Variants in ITGA8 observed in about 807,000 individuals in gnomAD.
The protein encoded by ITGA8 is integrin alpha-8.
In ITGA8, 91 loss-of-function variants were observed where a neutral mutation model predicts 142.3. The ratio of observed to expected loss-of-function variants is 0.64; its 90% CI spans 0.54 to 0.76. ITGA8 has a LOEUF of 0.76. ITGA8 is among the 30% of genes least tolerant of loss of function. The probability of loss-of-function intolerance (pLI) is 0.00; values close to 1 mark genes in which losing one functional copy is unlikely to be tolerated. For synonymous variants in ITGA8, 505 were observed against 485.2 expected, an observed-to-expected ratio of 1.04 and a Z score of -0.54; for missense variants, 1,406 against 1,327.7, an observed-to-expected ratio of 1.06 and a Z score of -0.92.
intron 16 of ITGA8, 63 bp from the exon 17 acceptor site, chr10:15,607,894 T>C (rs948527947): frequency 2.9e-6 from 4 of 1,371,858 alleles, no homozygotes; most frequent in African/African-American, 2.9e-5. Flanking sequence ...ATCAGAGAGA[T>C]GAATTTCTAT....
chr10:15,649,587 C>T (rs1271991051), intron 11 of ITGA8, among the ~76,000 whole-genome samples: 1 of 142,012 alleles, frequency 7.0e-6, no homozygotes, highest in Non-Finnish European at 1.5e-5. Context: ...GAGATCGCAC[C>T]ACTAGATGGC....
intron 25 of ITGA8, among the ~76,000 whole-genome samples, chr10:15,558,595 G>C (rs1024471419): frequency 4.3e-4 from 65 of 152,264 alleles, no homozygotes; most frequent in African/African-American, 1.5e-3. Context: ...TTCTGTATGG[G>C]GAGATGAATC....
intron 27 of ITGA8, among the ~76,000 whole-genome samples, chr10:15,531,808 A>G (rs1833302509): frequency 6.6e-6 from 1 of 151,378 alleles, no homozygotes; most frequent in African/African-American, 2.4e-5. Flanking sequence ...AGCTTGGCAT[A>G]GTGGCAAGCG....
rs576941770 is a variant in ITGA8 at position 15,665,608 on chromosome 10, T to C, written c.848-4686A>G. On this transcript the variant is annotated intron_variant, in intron 8 of 29. Transcript: ENST00000378076. Reference sequence around the variant, plus strand: ...TCCTTGCCCATGCCTATGTCCTGGATGGTATTGCCTAGGTTTTCTTCTAGG... The same window carrying C: ...TCCTTGCCCATGCCTATGTCCTGGACGGTATTGCCTAGGTTTTCTTCTAGG... Among the ~76,000 whole-genome samples, 6 of 152,334 alleles carry C rather than the reference T, an allele frequency of 3.9e-5. No homozygotes were observed. In the East Asian group the frequency reaches 1.2e-3, roughly 29 times the overall value.
chr10:15,614,102 G>C (rs926663413), intron 14 of ITGA8, among the ~76,000 whole-genome samples: 3 of 152,192 alleles, frequency 2.0e-5, no homozygotes, highest in African/African-American at 7.2e-5. Flanking sequence ...TCTGCCACCT[G>C]CTAGCATATC....
At chr10:15,689,954 A>G (rs1464990655) in intron 2 of ITGA8, among the ~76,000 whole-genome samples, 1 of 152,086 alleles carries the variant, frequency 6.6e-6, no homozygotes, top group Non-Finnish European at 1.5e-5. Context: ...TGGAGGGCTG[A>G]GCTCCAGCAC....
At chr10:15,635,008 T>C (rs975855066) in intron 13 of ITGA8, among the ~76,000 whole-genome samples, 10 of 145,572 alleles carry the variant, frequency 6.9e-5, no homozygotes, top group African/African-American at 1.0e-4. Context: ...TCTTTCTTTT[T>C]TTTTTTTTTT....
chr10:15,640,613 C>T (rs925955219), intron 13 of ITGA8, among the ~76,000 whole-genome samples: 1 of 152,260 alleles, frequency 6.6e-6, no homozygotes, highest in South Asian at 2.1e-4. Context: ...TGTTACTTCC[C>T]AGGCAAAACA....
chr10:15,613,874 C>T (rs1437358956), intron 14 of ITGA8, 107 bp from the exon 15 acceptor site: 1 of 718,256 alleles, frequency 1.4e-6, no homozygotes, highest in Admixed American at 2.5e-5. Flanking sequence ...GAATACTCCA[C>T]AGGCCATTGC....
intron 27 of ITGA8, among the ~76,000 whole-genome samples, chr10:15,538,509 C>T (rs192634389): frequency 4.6e-3 from 270 of 58,070 alleles, no homozygotes; most frequent in Non-Finnish European, 8.5e-3. Context: ...GAGACTCCGT[C>T]TCGAAAAAAA....
intron 11 of ITGA8, among the ~76,000 whole-genome samples, chr10:15,647,934 T>G (rs1834017292): frequency 6.6e-6 from 1 of 152,120 alleles, no homozygotes. Flanking sequence ...ATACATAGAT[T>G]ATAGCAAAAA....
At chr10:15,657,337 C>T (rs1834202911) in intron 10 of ITGA8, among the ~76,000 whole-genome samples, 1 of 152,158 alleles carries the variant, frequency 6.6e-6, no homozygotes, top group Admixed American at 6.5e-5. Flanking sequence ...ATCTATTCAA[C>T]TTCCCGCTCA....
In ITGA8 at chr10:15,597,286, A is replaced by C; in HGVS notation, c.2132T>G (p.Leu711Arg). The change falls in exon 21 of 30, where the codon CTG becomes CGG. Residue 711 changes from leucine to arginine, a missense_variant. Coordinates refer to ENST00000378076, the MANE Select transcript of ITGA8 (RefSeq NM_003638.3). ...IERNNKGFRP[L>R]SCEYKMENVT... is the part of the protein sequence containing the mutation. ...ATTTTCCATCTTGTACTCACAGCTC[A>C]GTGGTCGAAATCCCTACAATTGCAA... 1 of 1,613,948 alleles carries C rather than the reference A, an allele frequency of 6.2e-7. No individual in the cohort carries two copies. The highest frequency in any genetic ancestry group is 1.3e-5 in the African/African-American group (1 of 75,036).
intron 15 of ITGA8, among the ~76,000 whole-genome samples, chr10:15,612,320 A>C (rs1437224604): frequency 6.6e-6 from 1 of 152,196 alleles, no homozygotes; most frequent in East Asian, 1.9e-4. Flanking sequence ...AAAGGCCATC[A>C]ACAACATGTT....
intron 13 of ITGA8, among the ~76,000 whole-genome samples, chr10:15,628,050 A>G (rs1021898650): frequency 7.2e-5 from 11 of 152,052 alleles, no homozygotes; most frequent in East Asian, 1.9e-4. Flanking sequence ...CACCAGCCCT[A>G]TGACAGTTTG....
chr10:15,581,385 G>C (rs1489331168), intron 23 of ITGA8, among the ~76,000 whole-genome samples: 2 of 152,194 alleles, frequency 1.3e-5, no homozygotes, highest in Admixed American at 1.3e-4. Context: ...GAAACCCTGT[G>C]TTTGGTCCTT....
intron 23 of ITGA8, among the ~76,000 whole-genome samples, chr10:15,583,715 G>A (rs185620717): frequency 1.3e-5 from 2 of 152,158 alleles, no homozygotes; most frequent in Non-Finnish European, 2.9e-5. Context: ...GTGGGGAAGG[G>A]TTGGCTATAA....
chr10:15,660,582 T>C (rs1004978764), intron 9 of ITGA8, among the ~76,000 whole-genome samples: 9 of 152,164 alleles, frequency 5.9e-5, no homozygotes, highest in South Asian at 2.1e-4. Context: ...TAATCATACT[T>C]TGAATTTTGA....
At chr10:15,628,289 C>G (rs192841897) in intron 13 of ITGA8, among the ~76,000 whole-genome samples, 3 of 146,350 alleles carry the variant, frequency 2.0e-5, no homozygotes, top group Admixed American at 6.8e-5. Flanking sequence ...AATAAACTTC[C>G]TTTCACTTTA....
Sources: gnomAD v4.1 joint callset for allele counts (sites outside exome capture counted in the v4.1 genomes callset) on GRCh38, gnomAD v4.1.1 for gene constraint, MANE v1.5 for transcripts, NCBI Gene and HGNC (gene_info 2026-07-23, HGNC 2026-07-21) for gene names.